AVEN: variants seen among roughly 807,000 people sequenced by gnomAD.
The protein encoded by AVEN is cell death regulator Aven.
In AVEN, 41 loss-of-function variants were observed where a neutral mutation model predicts 38.1. The observed-to-expected ratio is 1.08, with a 90% CI of 0.84 to 1.40. AVEN has a LOEUF of 1.40. Among genes scored for constraint, AVEN ranks in the 40% most tolerant of loss-of-function variants. The pLI is 0.00. For synonymous variants in AVEN, 206 were observed against 171.8 expected, an observed-to-expected ratio of 1.20 and a Z score of -1.56; for missense variants, 605 against 438.8, an observed-to-expected ratio of 1.38 and a Z score of -3.38.
intron 2 of AVEN, among the ~76,000 whole-genome samples, chr15:33,959,729 T>G (rs1160258737): frequency 2.6e-5 from 4 of 151,818 alleles, no homozygotes; most frequent in Non-Finnish European, 5.9e-5. Flanking sequence ...GCTGGAGACA[T>G]TATAAGGAGT....
chr15:34,018,497 C>G (rs1898053687), intron 1 of AVEN: 1 of 151,916 alleles, frequency 6.6e-6, no homozygotes. Context: ...GGTAGTGCGT[C>G]CAGAGTTGTT....
At chr15:33,945,011 A>C (rs77313612) in intron 2 of AVEN, among the ~76,000 whole-genome samples, 6,376 of 152,266 alleles carry the variant, frequency 0.042, 174 homozygotes, top group African/African-American at 0.08. Context: ...GATAACTACA[A>C]AAAATTTATT....
intron 2 of AVEN, among the ~76,000 whole-genome samples, chr15:33,917,522 C>T (rs533806806): frequency 2.7e-4 from 32 of 118,384 alleles, no homozygotes; most frequent in African/African-American, 1.0e-3. Flanking sequence ...CACACACATA[C>T]GTGTATATAT....
At position 34,032,703 on chromosome 15, in the gene AVEN, CG is replaced by C. The variant is rs531814586; in HGVS notation, c.267+6076del. On this transcript the variant is annotated intron_variant, in intron 1 of 5. Transcript: ENST00000306730. ...TCAACTTCCAGATATTCAAGATCCA[CG>C]GTCTTTCCCAAAAGCAGTCTACCCT... 1.3e-3 allele frequency among the ~76,000 whole-genome samples: 202 copies of C among 152,294 alleles called. 1 individual carries two copies. Among genetic ancestry groups the C allele is most frequent in the Non-Finnish European group, 2.2e-3 (150 of 68,034 alleles).
intron 2 of AVEN, among the ~76,000 whole-genome samples, chr15:33,931,519 C>T (rs928071042): frequency 3.3e-5 from 5 of 151,698 alleles, no homozygotes; most frequent in Admixed American, 6.6e-5. Context: ...TACAGGCACC[C>T]GCCACCACAC....
At chr15:33,864,861 G>C (rs188021543), downstream of AVEN, 1 of 407,698 alleles carries the variant, frequency 2.5e-6, no homozygotes, top group East Asian at 4.0e-5. Context: ...CTTTAAGTAT[G>C]TTTAGTGGCA....
intron 2 of AVEN, among the ~76,000 whole-genome samples, chr15:33,947,346 A>G (rs1048539130): frequency 9.2e-5 from 14 of 152,360 alleles, no homozygotes; most frequent in African/African-American, 3.1e-4. Context: ...TAATTCCTTG[A>G]AAACTGAGAG....
intron 1 of AVEN, among the ~76,000 whole-genome samples, chr15:34,033,368 T>G (rs1243050166): frequency 6.6e-6 from 1 of 151,974 alleles, no homozygotes; most frequent in East Asian, 1.9e-4. Context: ...TAGCCGGGTG[T>G]GGCGGTGTGC....
At chr15:34,051,823 G>A (rs1315723260) in intron 5 of AVEN, among the ~76,000 whole-genome samples, 2 of 151,746 alleles carry the variant, frequency 1.3e-5, no homozygotes, top group Non-Finnish European at 2.9e-5. Flanking sequence ...CCAATAATGA[G>A]TTCTGAAATT....
intron 2 of AVEN, among the ~76,000 whole-genome samples, chr15:33,992,818 G>C (rs149520717): frequency 6.6e-6 from 1 of 152,312 alleles, no homozygotes; most frequent in African/African-American, 2.4e-5. Flanking sequence ...AGGAACAGAG[G>C]AGGGAAGAAA....
chr15:34,043,139 T>C (rs1193033200), upstream of AVEN, among the ~76,000 whole-genome samples: 2 of 151,278 alleles, frequency 1.3e-5, no homozygotes, highest in Non-Finnish European at 2.9e-5. Flanking sequence ...CCCAGCTACT[T>C]GGGAGGCTGA....
At chr15:33,864,250 G>C, downstream of AVEN, 4 of 1,310,478 alleles carry the variant, frequency 3.1e-6, no homozygotes, top group Admixed American at 1.9e-5. Flanking sequence ...TTGAGACTTA[G>C]TAGGGCATAG....
At chr15:33,861,540 T>C (rs1273553709), downstream of AVEN, among the ~76,000 whole-genome samples, 1 of 152,138 alleles carries the variant, frequency 6.6e-6, no homozygotes, top group Non-Finnish European at 1.5e-5. Flanking sequence ...CTTCCAACTA[T>C]TGCCCTACTT....
intron 2 of AVEN, among the ~76,000 whole-genome samples, chr15:33,926,956 GAAATA>G (rs1893630461): frequency 6.6e-6 from 1 of 152,082 alleles, no homozygotes; most frequent in East Asian, 1.9e-4. Context: ...CACCCAGCTA[GAAATA>G]AAATAAAAAT....
chr15:33,966,022 G>A (rs1895367324), intron 2 of AVEN, among the ~76,000 whole-genome samples: 1 of 152,112 alleles, frequency 6.6e-6, no homozygotes. Flanking sequence ...GAACTGTACA[G>A]GCCAGTACTT....
chr15:33,876,079 G>T (rs764859736), intron 2 of AVEN, 84 bp from the exon 3 acceptor site: 1 of 1,331,266 alleles, frequency 7.5e-7, no homozygotes. Context: ...GAGCAAAAGT[G>T]CCATTTCTGA....
chr15:34,046,260 C>T lies in AVEN; in HGVS notation n.1637+16662G>A, dbSNP rs1034069276. Among the ~76,000 whole-genome samples, 5 of 150,828 alleles carry T rather than the reference C, an allele frequency of 3.3e-5. No individual in the cohort carries two copies. The East Asian group carries it at 5.9e-4, about 18-fold the overall frequency. The stretch of plus-strand genomic sequence containing the variant: ...TCAATCCATCAGCCGTGGAACCTAC[C>T]TTATGTTCCAAATCTTTTTGTGGAA... On this transcript the variant is annotated intron_variant and non_coding_transcript_variant, in intron 5 of 11. Coordinates refer to the AVEN transcript ENST00000675287.
chr15:33,862,562 G>C (rs74613033), downstream of AVEN, among the ~76,000 whole-genome samples: 2 of 152,194 alleles, frequency 1.3e-5, no homozygotes, highest in East Asian at 3.9e-4. Flanking sequence ...ATTGTCAGAA[G>C]TGGCAAAGAT....
intron 5 of AVEN, among the ~76,000 whole-genome samples, chr15:34,060,597 C>T (rs191281360): frequency 3.9e-5 from 6 of 152,236 alleles, no homozygotes; most frequent in Admixed American, 2.0e-4. Flanking sequence ...AGATTTTCAC[C>T]GGGCACGGTG....
Sources: allele counts gnomAD v4.1 joint callset (sites outside exome capture counted in the v4.1 genomes callset), GRCh38; gene constraint gnomAD v4.1.1; transcripts MANE v1.5; gene names NCBI Gene and HGNC (gene_info 2026-07-23, HGNC 2026-07-21).